Variants in CUX1 observed in about 807,000 individuals in gnomAD.
CUX1 encodes protein CASP.
CUX1 carries 31 observed loss-of-function variants against 158.8 expected under a neutral mutation model. The ratio of observed to expected loss-of-function variants is 0.20; its 90% CI spans 0.15 to 0.26. CUX1 has a LOEUF of 0.26. Ranked by LOEUF, CUX1 falls within the 10% of genes least tolerant of loss-of-function variation. The probability of loss-of-function intolerance (pLI) is 1.00; values close to 1 mark genes in which losing one functional copy is unlikely to be tolerated. For synonymous variants in CUX1, 879 were observed against 862.1 expected, an observed-to-expected ratio of 1.02 and a Z score of -0.34; for missense variants, 1,589 against 2,014.6, an observed-to-expected ratio of 0.79 and a Z score of 4.04.
chr7:101,885,405 GGAAGAGA>G (rs1208273249), intron 1 of CUX1, among the ~76,000 whole-genome samples: 1 of 152,044 alleles, frequency 6.6e-6, no homozygotes, highest in African/African-American at 2.4e-5. Flanking sequence ...GGTCAGAAGG[GGAAGAGA>G]GAAGAGAGAG....
At chr7:101,880,731 C>A (rs181937445) in intron 1 of CUX1, among the ~76,000 whole-genome samples, 1 of 152,128 alleles carries the variant, frequency 6.6e-6, no homozygotes, top group African/African-American at 2.4e-5. Context: ...TTTGGTGTCA[C>A]GTGACAGGAA....
At chr7:102,058,188 A>G (rs74773181) in intron 3 of CUX1, among the ~76,000 whole-genome samples, 10,522 of 152,346 alleles carry the variant, frequency 0.069, 568 homozygotes, top group African/African-American at 0.15. Context: ...TTAATAGACT[A>G]TGATACAAAC....
intron 1 of CUX1, among the ~76,000 whole-genome samples, chr7:101,906,303 G>A (rs150781154): frequency 1.2e-4 from 18 of 152,072 alleles, no homozygotes; most frequent in African/African-American, 4.3e-4. Flanking sequence ...CACTGAGCTG[G>A]GCACACAGGT....
chr7:102,273,621 TA>T, intron 15 of CUX1: 2 of 1,196,344 alleles, frequency 1.7e-6, no homozygotes, highest in Non-Finnish European at 2.3e-6. Context: ...GGCTGTCACC[TA>T]AAACCATTGG....
chr7:102,039,604 A>C (rs146961871), intron 3 of CUX1, among the ~76,000 whole-genome samples: 3 of 150,582 alleles, frequency 2.0e-5, no homozygotes, highest in South Asian at 2.1e-4. Flanking sequence ...GCAGTAACCT[A>C]TGATCACACT....
At chr7:101,908,629 G>T (rs1041710206) in intron 1 of CUX1, among the ~76,000 whole-genome samples, 13 of 152,038 alleles carry the variant, frequency 8.6e-5, no homozygotes, top group African/African-American at 3.1e-4. Context: ...CCTTTTCTAA[G>T]CCCCCCACCT....
intron 8 of CUX1, among the ~76,000 whole-genome samples, chr7:102,156,002 C>G (rs1401296830): frequency 6.6e-6 from 1 of 152,128 alleles, no homozygotes; most frequent in African/African-American, 2.4e-5. Context: ...TTTCTCAGAC[C>G]AGTCTGAAAG....
chr7:101,922,476 C>T (rs1376868026), intron 2 of CUX1, among the ~76,000 whole-genome samples: 2 of 152,206 alleles, frequency 1.3e-5, no homozygotes, highest in Non-Finnish European at 2.9e-5. Flanking sequence ...TGAGGACCTA[C>T]GCACCTGGGA....
intron 20 of CUX1, among the ~76,000 whole-genome samples, chr7:102,216,532 C>A (rs1288128008): frequency 3.1e-4 from 27 of 88,440 alleles, no homozygotes; most frequent in African/African-American, 1.0e-3. Flanking sequence ...ACACTCTCCC[C>A]CCCACACACA....
intron 2 of CUX1, among the ~76,000 whole-genome samples, chr7:102,026,155 G>GA (rs1168863153): frequency 1.3e-5 from 2 of 152,008 alleles, no homozygotes; most frequent in African/African-American, 4.8e-5. Context: ...CTCTAACCTG[G>GA]ATGACAGAGC....
In CUX1 at chr7:102,094,084, C is replaced by T. The variant is rs148947055; in HGVS notation, c.269-3280C>T. Among the ~76,000 whole-genome samples, 682 of 152,258 alleles carry T rather than the reference C, an allele frequency of 4.5e-3. 7 individuals carry two copies. Among genetic ancestry groups the T allele is most frequent in the African/African-American group, 0.015 (631 of 41,538 alleles). On this transcript the variant is annotated intron_variant, in intron 4 of 23. Coordinates refer to ENST00000292535, the MANE Select transcript of CUX1 (RefSeq NM_181552.4). ...TTAACACACAGGTTGGGTTTTGGCA[C>T]GCCAAAATTCATTGTTTTGGTCTTT...
chr7:101,844,287 T>C (rs1446348608), intron 1 of CUX1, among the ~76,000 whole-genome samples: 3 of 150,168 alleles, frequency 2.0e-5, no homozygotes, highest in Non-Finnish European at 4.4e-5. Context: ...TTCCTCCAGA[T>C]TCCTTTTCAG....
chr7:102,149,100 C>T (rs750560366), intron 8 of CUX1, among the ~76,000 whole-genome samples: 20 of 152,054 alleles, frequency 1.3e-4, no homozygotes, highest in Non-Finnish European at 2.5e-4. Flanking sequence ...CAGATGTGGT[C>T]ACAGGATGCC....
chr7:102,204,986 G>T, intron 19 of CUX1, 128 bp from the exon 20 acceptor site: 1 of 678,646 alleles, frequency 1.5e-6, no homozygotes. Context: ...TCCCCGGCCC[G>T]TGGGTCCCCA....
intron 2 of CUX1, among the ~76,000 whole-genome samples, chr7:101,992,944 G>A (rs1382685246): frequency 6.6e-6 from 1 of 152,178 alleles, no homozygotes; most frequent in African/African-American, 2.4e-5. Flanking sequence ...CCACCCCGAG[G>A]GGGCCCTGGT....
chr7:101,974,709 C>T (rs1272991077), intron 2 of CUX1, among the ~76,000 whole-genome samples: 3 of 152,032 alleles, frequency 2.0e-5, no homozygotes, highest in Non-Finnish European at 4.4e-5. Flanking sequence ...AGGAAGGGGG[C>T]GGGCAGCTTG....
chr7:101,968,811 C>T (rs1811564709), intron 2 of CUX1, among the ~76,000 whole-genome samples: 1 of 152,086 alleles, frequency 6.6e-6, no homozygotes, highest in Non-Finnish European at 1.5e-5. Flanking sequence ...GAGGACTGTG[C>T]TGTGGAGGTA....
intron 4 of CUX1, among the ~76,000 whole-genome samples, chr7:102,087,874 G>A (rs1828111242): frequency 6.6e-6 from 1 of 151,962 alleles, no homozygotes; most frequent in Admixed American, 6.6e-5. Flanking sequence ...GTGGATTCAA[G>A]TATGCACGTG....
chr7:102,045,776 C>T lies in CUX1; in HGVS notation c.189+17631C>T, dbSNP rs183121879. 1.2e-4 allele frequency among the ~76,000 whole-genome samples: 18 copies of T among 152,330 alleles called. No homozygotes were observed. The East Asian group carries it at 3.1e-3, about 26-fold the overall frequency. ...TTCAGTGGATAATTATTTTTAACAT[C>T]CTCTCGGTAACTGCTGGTAGATTTC... On this transcript the variant is annotated intron_variant, in intron 3 of 23. Coordinates refer to ENST00000292535, the MANE Select transcript of CUX1 (RefSeq NM_181552.4).
Sources: gnomAD v4.1 joint callset for allele counts (sites outside exome capture counted in the v4.1 genomes callset) on GRCh38, gnomAD v4.1.1 for gene constraint, MANE v1.5 for transcripts, NCBI Gene and HGNC (gene_info 2026-07-23, HGNC 2026-07-21) for gene names.